SKAP2: variants seen among roughly 807,000 people sequenced by gnomAD.
SKAP2 encodes the protein src kinase associated phosphoprotein 2, also known as src kinase-associated phosphoprotein 2.
A neutral mutation model predicts 54.9 loss-of-function variants in SKAP2; 28 were observed. The ratio of observed to expected loss-of-function variants is 0.51; its 90% CI spans 0.38 to 0.70. The LOEUF is 0.70. SKAP2 is among the 30% of genes least tolerant of loss of function. SKAP2 has a pLI of 0.00. For synonymous variants in SKAP2, 137 were observed against 134.3 expected (o/e 1.02, Z -0.14); for missense variants, 356 against 424.1 (o/e 0.84, Z 1.41).
chr7:26,784,382 G>C (rs1469815821), intron 4 of SKAP2, among the ~76,000 whole-genome samples: 2 of 152,150 alleles, frequency 1.3e-5, no homozygotes, highest in Non-Finnish European at 2.9e-5. Context: ...TCCACGGTGA[G>C]AGTATTTACA....
intron 9 of SKAP2, among the ~76,000 whole-genome samples, chr7:26,712,492 A>G (rs10225860): frequency 0.036 from 5,549 of 152,252 alleles, 333 homozygotes; most frequent in African/African-American, 0.13. Flanking sequence ...AATTCTTAAC[A>G]TATTTTTGTT....
At chr7:26,855,039 A>G in intron 1 of SKAP2, 149 bp from the exon 2 acceptor site, 1 of 541,950 alleles carries the variant, frequency 1.8e-6, no homozygotes, top group East Asian at 3.2e-5. Flanking sequence ...ATAACAGTTG[A>G]AGTGTGTTTC....
intron 4 of SKAP2, among the ~76,000 whole-genome samples, chr7:26,751,871 T>G (rs1027107392): frequency 7.1e-6 from 1 of 140,158 alleles, no homozygotes; most frequent in Admixed American, 7.4e-5. Flanking sequence ...TATCAGTGTG[T>G]ATACACACAG....
At chr7:26,665,992 T>TACAC (rs57804557), downstream of SKAP2, among the ~76,000 whole-genome samples, 229 of 149,720 alleles carry the variant, frequency 1.5e-3, 4 homozygotes, top group South Asian at 0.022. Context: ...ATATACAGTG[T>TACAC]ACACACACAC....
At chr7:26,740,740 C>G (rs1782424544) in intron 4 of SKAP2, among the ~76,000 whole-genome samples, 1 of 152,152 alleles carries the variant, frequency 6.6e-6, no homozygotes, top group South Asian at 2.1e-4. Flanking sequence ...AATCCCAGCA[C>G]TTTTGGAGGC....
In SKAP2 at chr7:26,826,438, A is replaced by G. The variant is rs577644755; in HGVS notation, c.307+17592T>C. Among the ~76,000 whole-genome samples the G allele has an allele frequency of 2.0e-5, 3 of 152,308 alleles. No homozygotes were observed. The South Asian group carries it at 6.2e-4, about 32-fold the overall frequency. On this transcript the variant is annotated intron_variant, in intron 4 of 12. Transcript: ENST00000345317. Reference sequence around the variant, plus strand: ...ATTCATTTTTCACAAGTGAACCAATAAACTTCCCTTTCTGCTTTGTGCTTA... The same window carrying G: ...ATTCATTTTTCACAAGTGAACCAATGAACTTCCCTTTCTGCTTTGTGCTTA...
chr7:26,818,069 C>T (rs979061072), intron 4 of SKAP2, among the ~76,000 whole-genome samples: 3 of 152,134 alleles, frequency 2.0e-5, no homozygotes, highest in Non-Finnish European at 4.4e-5. Context: ...ACTTTCTTCA[C>T]AGAATTAGAA....
intron 6 of SKAP2, among the ~76,000 whole-genome samples, chr7:26,733,651 G>A (rs755659343): frequency 1.1e-4 from 16 of 152,052 alleles, no homozygotes; most frequent in Non-Finnish European, 2.2e-4. Context: ...GAAGGGGAGA[G>A]CAGGGAGGTA....
rs7793122 is a variant in SKAP2, at chr7:26,693,311, G to A, written c.797-2949C>T. ...CGCGCCACTGCACTCCAGTCTGGGC[G>A]ACAAGAGTGAAGCTCCATCTCAAAA... On this transcript the variant is annotated intron_variant, in intron 9 of 12. Transcript: ENST00000345317. Among the ~76,000 whole-genome samples, 954 of 126,584 alleles carry A rather than the reference G, an allele frequency of 7.5e-3. 16 individuals carry two copies. The highest frequency in any genetic ancestry group is 0.026 in the African/African-American group (892 of 34,420). The allele number at this position is 126,584 out of a possible 152,430, so 83.0% of individuals were successfully genotyped here. A position where few individuals can be genotyped will look rare whatever the true frequency, so the allele number is the denominator to read the frequency against.
chr7:26,692,195 G>C (rs2237327), intron 9 of SKAP2, among the ~76,000 whole-genome samples: 9 of 89,740 alleles, frequency 1.0e-4, no homozygotes, highest in East Asian at 4.0e-4. Flanking sequence ...GAGGAATGAG[G>C]GGGGGGAAAA....
chr7:26,773,145 TAGGTCTACAACTAGC>T (rs2127975673), intron 4 of SKAP2, among the ~76,000 whole-genome samples: 1 of 152,346 alleles, frequency 6.6e-6, no homozygotes, highest in East Asian at 1.9e-4. Context: ...TGTAATTATG[TAGGTCTACAACTAGC>T]AGCCACACAA....
chr7:26,853,682 T>C (rs1442251708), intron 3 of SKAP2, among the ~76,000 whole-genome samples: 2 of 152,184 alleles, frequency 1.3e-5, no homozygotes, highest in Non-Finnish European at 2.9e-5. Flanking sequence ...AACAAAAATT[T>C]ACACTGTTTT....
chr7:26,671,562 C>A (rs1786239076), intron 11 of SKAP2, among the ~76,000 whole-genome samples: 1 of 151,786 alleles, frequency 6.6e-6, no homozygotes, highest in African/African-American at 2.4e-5. Context: ...AAACAGTGGG[C>A]AGTATCAGGA....
chr7:26,822,877 C>T (rs772887892), intron 4 of SKAP2, among the ~76,000 whole-genome samples: 9 of 149,014 alleles, frequency 6.0e-5, no homozygotes, highest in African/African-American at 2.0e-4. Flanking sequence ...AGCGAGACTC[C>T]GTCTCAAAAA....
At chr7:26,708,380 T>G (rs377335653) in intron 9 of SKAP2, among the ~76,000 whole-genome samples, 113 of 152,178 alleles carry the variant, frequency 7.4e-4, no homozygotes, top group African/African-American at 2.6e-3. Flanking sequence ...GCAAAAAAAA[T>G]GGGTTTAAAT....
At chr7:26,670,809 T>C (rs1786211974) in intron 11 of SKAP2, among the ~76,000 whole-genome samples, 1 of 152,104 alleles carries the variant, frequency 6.6e-6, no homozygotes, top group African/African-American at 2.4e-5. Context: ...ATAGTTTCCC[T>C]AAGGCATTTA....
intron 9 of SKAP2, among the ~76,000 whole-genome samples, chr7:26,704,561 T>A (rs1787116468): frequency 6.6e-6 from 1 of 152,204 alleles, no homozygotes; most frequent in Non-Finnish European, 1.5e-5. Flanking sequence ...TTCAGAATTG[T>A]TTTTAAGAAG....
chr7:26,849,686 CA>C (rs11327610), intron 3 of SKAP2, among the ~76,000 whole-genome samples: 26,753 of 85,178 alleles, frequency 0.31, 1,823 homozygotes, highest in Middle Eastern at 0.34. Flanking sequence ...GACTCCATCT[CA>C]AAAAAAAAAA....
At chr7:26,713,022 G>A (rs147528796) in intron 9 of SKAP2, among the ~76,000 whole-genome samples, 1 of 152,308 alleles carries the variant, frequency 6.6e-6, no homozygotes, top group African/African-American at 2.4e-5. Flanking sequence ...ACATGGGGCT[G>A]TGATTCTGTT....
Sources: allele counts gnomAD v4.1 joint callset (sites outside exome capture counted in the v4.1 genomes callset), GRCh38; gene constraint gnomAD v4.1.1; transcripts MANE v1.5; gene names NCBI Gene and HGNC (gene_info 2026-07-23, HGNC 2026-07-21).